SLC12A1: variants seen among roughly 807,000 people sequenced by gnomAD.
SLC12A1 encodes Na-K-2Cl cotransporter.
SLC12A1 carries 89 observed loss-of-function variants against 130.4 expected under a neutral mutation model. The ratio of observed to expected loss-of-function variants is 0.68; its 90% CI spans 0.58 to 0.81. SLC12A1 has a LOEUF of 0.81. Ranked by LOEUF, SLC12A1 falls within the 40% of genes least tolerant of loss-of-function variation. SLC12A1 has a pLI of 0.00. For missense variants in SLC12A1, 1,310 were observed against 1,336.4 expected, an observed-to-expected ratio of 0.98 and a Z score of 0.31; for synonymous variants, 499 against 460.0, an observed-to-expected ratio of 1.08 and a Z score of -1.09.
chr15:48,253,596 G>A (rs1052724302), intron 15 of SLC12A1, among the ~76,000 whole-genome samples: 1 of 152,170 alleles, frequency 6.6e-6, no homozygotes, highest in African/African-American at 2.4e-5. Flanking sequence ...TTCACCAGTT[G>A]ATGGTCATCT....
intron 10 of SLC12A1, among the ~76,000 whole-genome samples, chr15:48,242,341 G>A (rs962604474): frequency 6.6e-6 from 1 of 152,144 alleles, no homozygotes; most frequent in Non-Finnish European, 1.5e-5. Flanking sequence ...GCTCCAGGCT[G>A]GACCACCATG....
intron 2 of SLC12A1, among the ~76,000 whole-genome samples, chr15:48,208,971 T>C (rs554821569): frequency 5.9e-5 from 9 of 152,324 alleles, no homozygotes; most frequent in African/African-American, 2.2e-4. Flanking sequence ...AATAACTAAA[T>C]TAAAGTACAG....
At chr15:48,302,156 A>AG (rs2042239522) in intron 26 of SLC12A1, among the ~76,000 whole-genome samples, 1 of 152,238 alleles carries the variant, frequency 6.6e-6, no homozygotes, top group Admixed American at 6.5e-5. Flanking sequence ...GGTAGGTATT[A>AG]GCTGATCAAA....
chr15:48,207,469 T>C (rs2040995287), intron 1 of SLC12A1, 65 bp from the exon 2 acceptor site: 2 of 304,830 alleles, frequency 6.6e-6, no homozygotes, highest in Admixed American at 9.3e-5. Context: ...TTCCCTTATA[T>C]CCCACCCTTA....
chr15:48,291,922 G>C (rs2042125943), intron 24 of SLC12A1, 58 bp downstream of exon 24: 1 of 1,086,988 alleles, frequency 9.2e-7, no homozygotes, highest in African/African-American at 1.6e-5. Context: ...ATTCTCTTTT[G>C]TGTTGATTAT....
intron 6 of SLC12A1, 93 bp downstream of exon 6, chr15:48,229,421 G>C (rs2041340895): frequency 7.6e-7 from 1 of 1,313,432 alleles, no homozygotes; most frequent in Admixed American, 2.3e-5. Flanking sequence ...ACAGCTAAAT[G>C]AGAGGAAAAA....
At chr15:48,260,678 A>G (rs1233059799) in intron 17 of SLC12A1, among the ~76,000 whole-genome samples, 1 of 152,156 alleles carries the variant, frequency 6.6e-6, no homozygotes, top group Admixed American at 6.6e-5. Context: ...AAGCCTTAGC[A>G]CACTTGCATC....
intron 20 of SLC12A1, among the ~76,000 whole-genome samples, chr15:48,276,515 G>A (rs904651758): frequency 3.9e-5 from 6 of 152,242 alleles, no homozygotes; most frequent in African/African-American, 1.2e-4. Context: ...CAGACTGAGG[G>A]GTGATCATGT....
chr15:48,277,731 C>T (rs1371507399), intron 20 of SLC12A1, among the ~76,000 whole-genome samples: 3 of 152,164 alleles, frequency 2.0e-5, no homozygotes, highest in Non-Finnish European at 2.9e-5. Context: ...CTGATCGATT[C>T]ATACTCTATT....
intron 17 of SLC12A1, among the ~76,000 whole-genome samples, chr15:48,267,039 A>G (rs977393815): frequency 3.3e-5 from 5 of 152,188 alleles, no homozygotes; most frequent in African/African-American, 1.2e-4. Flanking sequence ...AAGTGGTATA[A>G]GGGTATTTTT....
intron 2 of SLC12A1, among the ~76,000 whole-genome samples, chr15:48,210,144 C>T (rs2041034721): frequency 6.6e-6 from 1 of 152,028 alleles, no homozygotes; most frequent in South Asian, 2.1e-4. Flanking sequence ...AGAAGGTTGA[C>T]AGAAGCAGCC....
chr15:48,273,617 TTTGTGACAGC>T (rs2041920723), intron 19 of SLC12A1, among the ~76,000 whole-genome samples: 1 of 152,234 alleles, frequency 6.6e-6, no homozygotes, highest in South Asian at 2.1e-4. Context: ...AGGAATTTAC[TTTGTGACAGC>T]TTGTGCCAGA....
At chr15:48,284,336 G>A (rs966150724) in intron 20 of SLC12A1, among the ~76,000 whole-genome samples, 1 of 152,158 alleles carries the variant, frequency 6.6e-6, no homozygotes, top group Admixed American at 6.5e-5. Context: ...CTAGTTTTAT[G>A]TTTCAATTCA....
In SLC12A1 at chr15:48,274,620, G is replaced by A; in HGVS notation, c.2452G>A (p.Gly818Arg). ...CGTGGTTATAGTCAGAATCAGCCAA[G>A]GATTTGACATCTCTCAGGTTCTTCA... Reference protein sequence around the residue: ...IGVVIVRISQGFDISQVLQVQ... With the variant: ...IGVVIVRISQRFDISQVLQVQ... The change falls in exon 20 of 27, where the codon GGA becomes AGA. Residue 818 changes from glycine (G) to arginine (R), a missense_variant. Transcript: ENST00000380993. The A allele has an allele frequency of 6.2e-7, 1 of 1,613,082 alleles. No individual in the cohort carries two copies. Among genetic ancestry groups the A allele is most frequent in the Non-Finnish European group, 8.5e-7 (1 of 1,179,396 alleles).
intron 14 of SLC12A1, among the ~76,000 whole-genome samples, 183 bp from the exon 15 acceptor site, chr15:48,251,432 T>A (rs1347998932): frequency 6.6e-6 from 1 of 152,132 alleles, no homozygotes; most frequent in African/African-American, 2.4e-5. Context: ...CTATTTGGTG[T>A]AAGTACCATC....
At chr15:48,248,713 G>C (rs2041611628) in intron 13 of SLC12A1, among the ~76,000 whole-genome samples, 1 of 152,186 alleles carries the variant, frequency 6.6e-6, no homozygotes, top group African/African-American at 2.4e-5. Context: ...AAATCCAGCT[G>C]GAATTAAATC....
chr15:48,224,132 T>C (rs979366737), intron 4 of SLC12A1: 2 of 152,220 alleles, frequency 1.3e-5, no homozygotes, highest in East Asian at 1.9e-4. Context: ...CCAACAACTA[T>C]GGAGCATTCA....
intron 11 of SLC12A1, among the ~76,000 whole-genome samples, chr15:48,246,419 G>A (rs1195155689): frequency 6.6e-6 from 1 of 152,078 alleles, no homozygotes; most frequent in African/African-American, 2.4e-5. Context: ...TGGATATATT[G>A]CGGGTGAGCA....
intron 5 of SLC12A1, chr15:48,227,430 T>C (rs2041304819): frequency 2.0e-6 from 1 of 494,892 alleles, no homozygotes; most frequent in Non-Finnish European, 3.6e-6. Flanking sequence ...AGGTATGGAA[T>C]ATTATAGCAA....
Sources: gnomAD v4.1 joint callset for allele counts (sites outside exome capture counted in the v4.1 genomes callset) on GRCh38, gnomAD v4.1.1 for gene constraint, MANE v1.5 for transcripts, NCBI Gene and HGNC (gene_info 2026-07-23, HGNC 2026-07-21) for gene names.